Variants in CCBE1 observed in about 807,000 individuals in gnomAD.
CCBE1 encodes the protein collagen and calcium binding EGF domains 1.
A neutral mutation model predicts 50.0 loss-of-function variants in CCBE1; 37 were observed. The ratio of observed to expected loss-of-function variants is 0.74; its 90% CI spans 0.57 to 0.97. CCBE1 has a LOEUF of 0.97. Ranked by LOEUF, CCBE1 falls within the 50% of genes least tolerant of loss-of-function variation. The pLI, the probability that CCBE1 is intolerant of heterozygous loss-of-function variation, is 0.00. For missense variants in CCBE1, 538 were observed against 523.8 expected (o/e 1.03, Z -0.26); for synonymous variants, 234 against 203.7 (o/e 1.15, Z -1.27).
At chr18:59,587,901 T>C (rs1489921652) in intron 2 of CCBE1, among the ~76,000 whole-genome samples, 1 of 152,212 alleles carries the variant, frequency 6.6e-6, no homozygotes, top group Non-Finnish European at 1.5e-5. Context: ...TTGAAGATAC[T>C]ATTTTTGATA....
intron 7 of CCBE1, among the ~76,000 whole-genome samples, chr18:59,441,308 G>A (rs954690862): frequency 7.9e-5 from 12 of 152,034 alleles, no homozygotes; most frequent in African/African-American, 2.7e-4. Context: ...TCAGGAGTTC[G>A]AGATCAGCCT....
intron 2 of CCBE1, among the ~76,000 whole-genome samples, chr18:59,596,847 A>T (rs548747625): frequency 1.4e-4 from 21 of 152,342 alleles, no homozygotes; most frequent in African/African-American, 4.8e-4. Flanking sequence ...TCACAGCCAA[A>T]GGACACACAC....
intron 2 of CCBE1, among the ~76,000 whole-genome samples, chr18:59,516,645 G>A (rs1000476753): frequency 6.6e-6 from 1 of 152,220 alleles, no homozygotes; most frequent in African/African-American, 2.4e-5. Context: ...CTTAGGAGAT[G>A]ATTTGGCTCA....
At chr18:59,447,890 G>T (rs1910752317) in intron 7 of CCBE1, 93 bp downstream of exon 7, 2 of 1,582,134 alleles carry the variant, frequency 1.3e-6, no homozygotes, top group South Asian at 1.1e-5. Flanking sequence ...CTCGATGGAA[G>T]CTGGAGAACA....
Position 59,447,991 on chromosome 18 carries a change from C to T in CCBE1, c.767G>A (p.Gly256Asp). ...PGPPGLPGGQ[G>D]PPGSPGPKGS... ...CCCTCTTCCACACTCACCGGGAGGGCCCTGGCCCCCAGGCAGGCCAGGAGG... is the reference window on the plus strand; with the variant it reads ...CCCTCTTCCACACTCACCGGGAGGGTCCTGGCCCCCAGGCAGGCCAGGAGG... Residue 256 changes from glycine to aspartate, a missense_variant, in exon 7 of 11, where the codon GGC becomes GAC. By Grantham distance (94) the Gly-to-Asp change is moderately conservative. Transcript: ENST00000439986. 6 of 1,614,146 alleles carry T rather than the reference C, an allele frequency of 3.7e-6. No individual in the cohort carries two copies. The highest frequency in any genetic ancestry group is 5.1e-6 in the Non-Finnish European group (6 of 1,180,014).
intron 2 of CCBE1, among the ~76,000 whole-genome samples, chr18:59,546,208 A>C (rs1915676001): frequency 6.6e-6 from 1 of 152,142 alleles, no homozygotes; most frequent in African/African-American, 2.4e-5. Context: ...TTTCATTTGC[A>C]TTTCTTTGAC....
chr18:59,649,964 T>G (rs1458041673), intron 2 of CCBE1, among the ~76,000 whole-genome samples: 1 of 151,338 alleles, frequency 6.6e-6, no homozygotes, highest in Non-Finnish European at 1.5e-5. Flanking sequence ...GAGGGAGGGG[T>G]CCCAGACAGG....
intron 2 of CCBE1, among the ~76,000 whole-genome samples, chr18:59,569,898 T>G (rs2144482733): frequency 6.6e-6 from 1 of 152,364 alleles, no homozygotes; most frequent in Middle Eastern, 3.4e-3. Context: ...CCCAAAACAC[T>G]GGGATTAGAG....
rs1471441362 is a variant in CCBE1 at position 59,604,685 on chromosome 18, C to T, written c.212+91944G>A. ...CATGGTATGTGATTGCTTCAATAGG[C>T]ATTTGTTTCAATGTCCAATTTGGAC... On this transcript the variant is annotated intron_variant, in intron 2 of 10. Transcript: ENST00000439986. Among the ~76,000 whole-genome samples the T allele has an allele frequency of 2.6e-5, 4 of 152,150 alleles. No homozygotes were observed. The East Asian group carries it at 5.8e-4, about 22-fold the overall frequency.
intron 2 of CCBE1, among the ~76,000 whole-genome samples, chr18:59,508,711 CTTT>C (rs55881131): frequency 7.3e-5 from 7 of 95,674 alleles, no homozygotes; most frequent in East Asian, 3.3e-4. Context: ...TAGAGTTACG[CTTT>C]TTTTTTTTTT....
At chr18:59,659,503 G>C (rs948929079) in intron 2 of CCBE1, among the ~76,000 whole-genome samples, 1 of 152,066 alleles carries the variant, frequency 6.6e-6, no homozygotes, top group Non-Finnish European at 1.5e-5. Flanking sequence ...GAAGTGATTT[G>C]GTCGCACTTA....
At chr18:59,640,667 C>A (rs2053974975) in intron 2 of CCBE1, among the ~76,000 whole-genome samples, 1 of 152,078 alleles carries the variant, frequency 6.6e-6, no homozygotes, top group African/African-American at 2.4e-5. Context: ...AAAACAACTT[C>A]TATAGAGCAA....
chr18:59,503,198 C>T (rs1280069683), intron 2 of CCBE1, among the ~76,000 whole-genome samples: 1 of 152,228 alleles, frequency 6.6e-6, no homozygotes, highest in African/African-American at 2.4e-5. Context: ...ATCCAGTCCC[C>T]ATTCCCTAGC....
At chr18:59,523,420 T>C (rs1462365613) in intron 2 of CCBE1, among the ~76,000 whole-genome samples, 1 of 151,308 alleles carries the variant, frequency 6.6e-6, no homozygotes. Flanking sequence ...TTAGACAAGA[T>C]GTTTAATCTT....
At chr18:59,632,048 G>A (rs28634446) in intron 2 of CCBE1, among the ~76,000 whole-genome samples, 1 of 152,134 alleles carries the variant, frequency 6.6e-6, no homozygotes, top group East Asian at 1.9e-4. Flanking sequence ...ACCTGCAAAA[G>A]CTTTAAGGTT....
At chr18:59,632,660 C>T (rs1340644409) in intron 2 of CCBE1, among the ~76,000 whole-genome samples, 1 of 152,106 alleles carries the variant, frequency 6.6e-6, no homozygotes, top group Non-Finnish European at 1.5e-5. Flanking sequence ...ACGATCTTGG[C>T]TCACCGCAAC....
At chr18:59,613,999 G>A (rs550394994) in intron 2 of CCBE1, among the ~76,000 whole-genome samples, 5 of 150,214 alleles carry the variant, frequency 3.3e-5, no homozygotes, top group Non-Finnish European at 7.4e-5. Flanking sequence ...TCAGCCACCT[G>A]AGTACCTGGG....
chr18:59,547,236 C>T (rs1915740828), intron 2 of CCBE1, among the ~76,000 whole-genome samples: 1 of 151,862 alleles, frequency 6.6e-6, no homozygotes, highest in African/African-American at 2.4e-5. Flanking sequence ...GGGCAGATCA[C>T]CTGAGGTCAG....
chr18:59,674,029 C>G (rs1193267596), intron 2 of CCBE1, among the ~76,000 whole-genome samples: 1 of 152,206 alleles, frequency 6.6e-6, no homozygotes, highest in Non-Finnish European at 1.5e-5. Context: ...ACCAGCTCCT[C>G]TTTGTACCTC....
Sources: gnomAD v4.1 joint callset for allele counts (sites outside exome capture counted in the v4.1 genomes callset) on GRCh38, gnomAD v4.1.1 for gene constraint, MANE v1.5 for transcripts, NCBI Gene and HGNC (gene_info 2026-07-23, HGNC 2026-07-21) for gene names.